NPAT: variants seen among roughly 807,000 people sequenced by gnomAD.
NPAT encodes the protein protein NPAT.
In NPAT, 52 loss-of-function variants were observed where a neutral mutation model predicts 130.7. The observed-to-expected ratio is 0.40, with a 90% CI of 0.32 to 0.50. The LOEUF (loss-of-function observed/expected upper bound fraction) is 0.50, where lower values mean the gene tolerates loss of function less well. NPAT is among the 20% of genes least tolerant of loss of function. NPAT has a pLI of 0.68. For synonymous variants in NPAT, 580 were observed against 584.8 expected (o/e 0.99, Z 0.12); for missense variants, 1,687 against 1,662.6 (o/e 1.01, Z -0.26).
In NPAT at chr11:108,172,940, A is replaced by G; in HGVS notation, c.2044T>C (p.Cys682Arg). 6.2e-7 allele frequency: 1 copy of G among 1,614,172 alleles called. No homozygotes were observed. Among genetic ancestry groups the G allele is most frequent in the African/African-American group, 1.3e-5 (1 of 75,062 alleles). Reference sequence around the variant, plus strand: ...GGAGGCGTCAGTGCAACTTTCTCACAGTTAGCATTTCCACCTAAAGAGAGA... The same window carrying G: ...GGAGGCGTCAGTGCAACTTTCTCACGGTTAGCATTTCCACCTAAAGAGAGA... ...IFLSLGGNAN[C>R]EKVALTPPEG... The change falls in exon 13 of 18, where the codon TGT becomes CGT. Residue 682 changes from cysteine (C) to arginine (R), a missense_variant. This residue lies in a region of NPAT where 1,379 missense variants were observed against 1,346.6 expected (regional missense o/e 1.02). Transcript: ENST00000278612.
intron 1 of NPAT, among the ~76,000 whole-genome samples, chr11:108,200,498 A>AT (rs2078265129): frequency 1.3e-5 from 2 of 152,258 alleles, no homozygotes; most frequent in South Asian, 4.1e-4. Flanking sequence ...GTGCAGACCA[A>AT]TATTAATTAA....
intron 15 of NPAT, among the ~76,000 whole-genome samples, chr11:108,164,596 A>C (rs2077883661): frequency 6.6e-6 from 1 of 152,240 alleles, no homozygotes; most frequent in South Asian, 2.1e-4. Flanking sequence ...GGTATATGGA[A>C]ACAAGTGTGT....
chr11:108,185,526 C>T (rs1379816744), intron 8 of NPAT, 32 bp from the exon 9 acceptor site: 1 of 1,329,112 alleles, frequency 7.5e-7, no homozygotes, highest in Non-Finnish European at 1.1e-6. Flanking sequence ...AGCAAAAGGA[C>T]AATAAAGAGT....
chr11:108,190,186 G>A (rs530461596), intron 5 of NPAT, among the ~76,000 whole-genome samples: 2 of 151,562 alleles, frequency 1.3e-5, no homozygotes, highest in Admixed American at 6.6e-5. Flanking sequence ...GGTGGCACAC[G>A]CCTGTAGTCC....
At chr11:108,206,846 G>GTGCATTATACTTACTGTT (rs2078330397) in intron 1 of NPAT, among the ~76,000 whole-genome samples, 1 of 152,222 alleles carries the variant, frequency 6.6e-6, no homozygotes, top group Non-Finnish European at 1.5e-5. Flanking sequence ...ACAGCCCTCA[G>GTGCATTATACTTACTGTT]GAGACCTGCA....
At position 108,173,154 on chromosome 11, in the gene NPAT, A is replaced by C; in HGVS notation, c.1830T>G (p.Val610=). 14 of 1,613,894 alleles carry C rather than the reference A, an allele frequency of 8.7e-6. No individual in the cohort carries two copies. The highest frequency in any genetic ancestry group is 1.2e-5 in the Non-Finnish European group (14 of 1,179,904). Residue 610 remains valine, a synonymous_variant, in exon 13 of 18, where the codon GTT becomes GTG. Transcript: ENST00000278612. ...CAGATACATTTAAATGTGAACTTTC[A>C]ACAGACACAGGTAGTATTTCACTTT... ...CLQSEILPVS[V]ESSHLNVSGQ...
chr11:108,177,091 C>G lies in NPAT; in HGVS notation c.907-1G>C. ...CTTCTTCAGACATGTGAATTTCACT[C>G]TGCAAGAAAGGAGTGGCGTGAAGGC... On this transcript the variant is annotated splice_acceptor_variant, in intron 10 of 17. Coordinates refer to ENST00000278612, the MANE Select transcript of NPAT (RefSeq NM_002519.3). LOFTEE classifies it high-confidence loss of function. 1 of 1,595,462 alleles carries G rather than the reference C, an allele frequency of 6.3e-7. No homozygotes were observed. The highest frequency in any genetic ancestry group is 8.6e-7 in the Non-Finnish European group (1 of 1,163,724).
At chr11:108,222,247 C>A (rs575102241) in intron 1 of NPAT, among the ~76,000 whole-genome samples, 24 of 152,254 alleles carry the variant, frequency 1.6e-4, no homozygotes, top group African/African-American at 5.3e-4. Context: ...CGAATCCGCC[C>A]CAGGTGTTCC....
intron 10 of NPAT, among the ~76,000 whole-genome samples, chr11:108,183,621 G>C (rs2134853534): frequency 6.6e-6 from 1 of 152,228 alleles, no homozygotes; most frequent in East Asian, 1.9e-4. Context: ...GGCCAACATG[G>C]TGAAACCTAG....
At chr11:108,212,537 A>G (rs1286004434) in intron 1 of NPAT, among the ~76,000 whole-genome samples, 1 of 151,388 alleles carries the variant, frequency 6.6e-6, no homozygotes, top group East Asian at 2.0e-4. Flanking sequence ...AAGAAAAAAA[A>G]AAAAAGCATC....
chr11:108,206,826 G>A (rs1374119680), intron 1 of NPAT, among the ~76,000 whole-genome samples: 3 of 152,232 alleles, frequency 2.0e-5, no homozygotes, highest in African/African-American at 7.2e-5. Flanking sequence ...GAGCTTCACT[G>A]AGTGACAGAA....
chr11:108,222,226 G>A (rs2078521481), intron 1 of NPAT, among the ~76,000 whole-genome samples: 1 of 152,164 alleles, frequency 6.6e-6, no homozygotes, highest in Non-Finnish European at 1.5e-5. Context: ...GTGGAGGCCT[G>A]ACTTTCCTTC....
intron 12 of NPAT, 118 bp from the exon 13 acceptor site, chr11:108,173,969 TG>T (rs781084984): frequency 6.5e-5 from 56 of 855,320 alleles, no homozygotes; most frequent in African/African-American, 8.3e-5. Context: ...TACCAGTAAG[TG>T]GAAGTCTGAT....
intron 1 of NPAT, among the ~76,000 whole-genome samples, chr11:108,212,151 GT>G (rs2078389993): frequency 6.6e-6 from 1 of 151,362 alleles, no homozygotes; most frequent in East Asian, 1.9e-4. Flanking sequence ...CAGGGAAAAG[GT>G]AAGAAGGTCT....
intron 1 of NPAT, among the ~76,000 whole-genome samples, chr11:108,199,314 A>G (rs1228713134): frequency 6.6e-6 from 1 of 152,168 alleles, no homozygotes; most frequent in African/African-American, 2.4e-5. Context: ...TGCGGGGCTT[A>G]ATGCAGAGCT....
At chr11:108,215,354 A>C (rs547942910) in intron 1 of NPAT, among the ~76,000 whole-genome samples, 1 of 152,278 alleles carries the variant, frequency 6.6e-6, no homozygotes, top group East Asian at 1.9e-4. Context: ...AAAGGGAACA[A>C]CACACACTGG....
Position 108,173,000 on chromosome 11 carries a change from G to C in NPAT, c.1984C>G (p.Pro662Ala). ...QASKSENSQE[P>A]SSSVKEENTI... is the part of the protein sequence containing the mutation. ...TTCTCTTCTTTTACAGAAGATGAAGGCTCCTGTGAATTCTCAGACTTGGAT... is the reference window on the plus strand; with the variant it reads ...TTCTCTTCTTTTACAGAAGATGAAGCCTCCTGTGAATTCTCAGACTTGGAT... Residue 662 changes from proline to alanine, a missense_variant, in exon 13 of 18, where the codon CCT becomes GCT. By Grantham distance (27) the Pro-to-Ala change is conservative. This residue lies in a region of NPAT where 1,379 missense variants were observed against 1,346.6 expected (regional missense o/e 1.02). Transcript: ENST00000278612. 6.2e-7 allele frequency: 1 copy of C among 1,613,978 alleles called. No homozygotes were observed. The highest frequency in any genetic ancestry group is 1.1e-5 in the South Asian group (1 of 91,074).
At chr11:108,211,907 G>A (rs1393158861) in intron 1 of NPAT, among the ~76,000 whole-genome samples, 1 of 152,060 alleles carries the variant, frequency 6.6e-6, no homozygotes, top group Non-Finnish European at 1.5e-5. Context: ...CCATAATCAT[G>A]CCACTGCAGT....
chr11:108,191,458 C>T (rs2134866810), intron 4 of NPAT, among the ~76,000 whole-genome samples: 1 of 152,210 alleles, frequency 6.6e-6, no homozygotes, highest in African/African-American at 2.4e-5. Context: ...ACAAGATCCA[C>T]AAAACTCGAG....
Sources: gnomAD v4.1 joint callset for allele counts (sites outside exome capture counted in the v4.1 genomes callset) on GRCh38, gnomAD v4.1.1 for gene constraint, gnomAD v4.1.1 regional missense constraint, MANE v1.5 for transcripts, NCBI Gene and HGNC (gene_info 2026-07-23, HGNC 2026-07-21) for gene names.